The following DDX46 variants were observed in gnomAD, a reference collection of about 807,000 sequenced individuals.
The protein encoded by DDX46 is probable ATP-dependent RNA helicase DDX46.
DDX46 carries 30 observed loss-of-function variants against 134.9 expected under a neutral mutation model. That is an observed-to-expected ratio of 0.22 (90% confidence interval 0.17 to 0.30). DDX46 has a LOEUF of 0.30. DDX46 is among the 10% of genes least tolerant of loss of function. DDX46 has a pLI of 1.00. For missense variants in DDX46, 622 were observed against 1,248.7 expected, an observed-to-expected ratio of 0.50 and a Z score of 7.56; for synonymous variants, 415 against 404.1, an observed-to-expected ratio of 1.03 and a Z score of -0.32.
chr5:134,810,400 G>A (rs1008301493), intron 16 of DDX46, among the ~76,000 whole-genome samples: 10 of 150,594 alleles, frequency 6.6e-5, no homozygotes, highest in Non-Finnish European at 1.5e-4. Flanking sequence ...GTGCATTGGC[G>A]CCATCTCACA....
chr5:134,759,270 T>C (rs1753302354), intron 1 of DDX46, among the ~76,000 whole-genome samples: 1 of 152,238 alleles, frequency 6.6e-6, no homozygotes, highest in South Asian at 2.1e-4. Flanking sequence ...TCAGAAGTGA[T>C]CCCAGTTGGA....
chr5:134,813,223 G>A lies in DDX46; in HGVS notation c.2436+1378G>A, dbSNP rs137997814. On this transcript the variant is annotated intron_variant, in intron 18 of 22. Transcript: ENST00000452510. ...CTCCCAAAGTGCTCAGATTACAGGC[G>A]TGAGCCACCACGCCCGACCACATTT... 9.2e-5 allele frequency among the ~76,000 whole-genome samples: 14 copies of A among 152,226 alleles called. No individual in the cohort carries two copies. The East Asian group carries it at 2.7e-3, about 29-fold the overall frequency.
intron 11 of DDX46, among the ~76,000 whole-genome samples, chr5:134,787,084 G>A (rs924206044): frequency 1.3e-5 from 2 of 151,882 alleles, no homozygotes; most frequent in African/African-American, 4.8e-5. Context: ...TACCACACCC[G>A]GCTAGTTTTT....
intron 8 of DDX46, 67 bp downstream of exon 8, chr5:134,782,153 A>T: frequency 7.1e-7 from 1 of 1,398,816 alleles, no homozygotes; most frequent in Non-Finnish European, 9.6e-7. Flanking sequence ...ACATTGCTCA[A>T]GAGAAATGTG....
At position 134,828,640 on chromosome 5, in the gene DDX46, CTTTT is replaced by C. The variant is rs1755654291; in HGVS notation, c.3052-18_3052-15del. The stretch of plus-strand genomic sequence containing the variant: ...TGTTTTGCTTTCTCTGATGACATAT[CTTTT>C]ATTTCCTATTACAGCAAAATTCATA... On this transcript the variant is annotated splice_polypyrimidine_tract_variant and intron_variant, in intron 22 of 22. Coordinates refer to ENST00000452510, the MANE Select transcript of DDX46 (RefSeq NM_001300860.2). 2.1e-6 allele frequency: 3 copies of C among 1,414,882 alleles called. No individual in the cohort carries two copies. The highest frequency in any genetic ancestry group is 3.1e-5 in the African/African-American group (2 of 65,210). The allele number at this position is 1,414,882 out of a possible 1,614,324, so 87.6% of individuals were successfully genotyped here.
intron 21 of DDX46, among the ~76,000 whole-genome samples, chr5:134,819,785 T>C (rs1444338358): frequency 6.6e-6 from 1 of 151,944 alleles, no homozygotes; most frequent in Non-Finnish European, 1.5e-5. Flanking sequence ...CCGCCCCCAC[T>C]CAGCCTCCCA....
At chr5:134,784,030 T>A (rs1754256709) in intron 9 of DDX46, among the ~76,000 whole-genome samples, 1 of 152,040 alleles carries the variant, frequency 6.6e-6, no homozygotes, top group Non-Finnish European at 1.5e-5. Context: ...TTTTGTCCAT[T>A]AGTAGTCAGT....
At chr5:134,767,738 G>A (rs1753621329) in intron 3 of DDX46, among the ~76,000 whole-genome samples, 1 of 151,716 alleles carries the variant, frequency 6.6e-6, no homozygotes, top group African/African-American at 2.4e-5. Flanking sequence ...ATCACCTGAG[G>A]TTGGGAGTTG....
At chr5:134,764,279 T>TG (rs1388026997) in intron 2 of DDX46, among the ~76,000 whole-genome samples, 187 bp downstream of exon 2, 14 of 151,890 alleles carry the variant, frequency 9.2e-5, no homozygotes, top group Non-Finnish European at 1.8e-4. Flanking sequence ...AACAGTGTTT[T>TG]TTTTTTTTTT....
intron 15 of DDX46, chr5:134,797,193 A>AAAAC (rs1754689851): frequency 3.4e-6 from 1 of 291,670 alleles, no homozygotes; most frequent in South Asian, 3.4e-5. Context: ...AAAAAAAAAA[A>AAAAC]AAAACACAAA....
chr5:134,780,611 A>G (rs1167440131), intron 6 of DDX46: 1 of 147,904 alleles, frequency 6.8e-6, no homozygotes, highest in Non-Finnish European at 1.5e-5. Context: ...AAGTATGTAT[A>G]ATTATATAAA....
chr5:134,775,086 C>G (rs1228771580), intron 5 of DDX46, among the ~76,000 whole-genome samples: 2 of 152,132 alleles, frequency 1.3e-5, no homozygotes, highest in East Asian at 3.9e-4. Flanking sequence ...TCCCATAGTG[C>G]TGGGATTACA....
intron 15 of DDX46, among the ~76,000 whole-genome samples, chr5:134,799,509 G>C (rs995581428): frequency 1.8e-4 from 28 of 151,786 alleles, no homozygotes; most frequent in Non-Finnish European, 3.5e-4. Context: ...AGGTTGAGGC[G>C]GGTGGATCAC....
At chr5:134,769,826 C>T (rs13356325) in intron 3 of DDX46, among the ~76,000 whole-genome samples, 2,745 of 152,194 alleles carry the variant, frequency 0.018, 89 homozygotes, top group African/African-American at 0.06. Context: ...GGATTACAGG[C>T]GTGAGCCACC....
In DDX46 at chr5:134,811,290, T is replaced by C; in HGVS notation, c.2218T>C (p.Leu740=). Reference sequence around the variant, plus strand: ...TGGTGACATAATTAAAGCTCTTGAATTGTCAGGGACTGCAGTACCTCCTGA... The same window carrying C: ...TGGTGACATAATTAAAGCTCTTGAACTGTCAGGGACTGCAGTACCTCCTGA... The part of the protein sequence containing the change: ...YAGDIIKALE[L]SGTAVPPDLE... Residue 740 remains leucine (L), a synonymous_variant, in exon 17 of 23, where the codon TTG becomes CTG. Transcript: ENST00000452510. The C allele has an allele frequency of 1.9e-6, 3 of 1,614,060 alleles. No homozygotes were observed. Among genetic ancestry groups the C allele is most frequent in the Non-Finnish European group, 2.5e-6 (3 of 1,179,964 alleles).
At chr5:134,800,782 T>C (rs1230802095) in intron 15 of DDX46, among the ~76,000 whole-genome samples, 1 of 152,074 alleles carries the variant, frequency 6.6e-6, no homozygotes, top group Non-Finnish European at 1.5e-5. Context: ...TTCAAGCGAT[T>C]CTCCTGCCTC....
Position 134,771,036 on chromosome 5 carries a change from CTTTT to C in DDX46, c.447+39_447+42del, listed in dbSNP as rs778774605. On this transcript the variant is annotated intron_variant, in intron 4 of 22. Transcript: ENST00000452510. ...AACTTAAAAATAATTTTCTTTCTTT[CTTTT>C]TGTCTTTCTTTCTTTCTTTTCTTTC... 24 of 864,258 alleles carry C rather than the reference CTTTT, an allele frequency of 2.8e-5. 1 individual carries two copies. Among genetic ancestry groups the C allele is most frequent in the East Asian group, 5.4e-5 (2 of 37,162 alleles). 53.5% of individuals were successfully genotyped at this position (864,258 alleles called of 1,614,324 possible).
At chr5:134,821,808 GC>G (rs1755461275) in intron 21 of DDX46, among the ~76,000 whole-genome samples, 1 of 151,440 alleles carries the variant, frequency 6.6e-6, no homozygotes, top group Non-Finnish European at 1.5e-5. Context: ...GCCTGCCTTG[GC>G]CTCCCAAAGT....
intron 4 of DDX46, among the ~76,000 whole-genome samples, chr5:134,772,482 A>C (rs1580778111): frequency 2.0e-5 from 3 of 151,986 alleles, no homozygotes; most frequent in Admixed American, 6.6e-5. Flanking sequence ...AGATCCCGCC[A>C]ATGCACTCCA....
Sources: allele counts gnomAD v4.1 joint callset (sites outside exome capture counted in the v4.1 genomes callset), GRCh38; gene constraint gnomAD v4.1.1; transcripts MANE v1.5; gene names NCBI Gene and HGNC (gene_info 2026-07-23, HGNC 2026-07-21).